The following ADGRA3 variants were observed in gnomAD, a reference collection of about 807,000 sequenced individuals.
The protein encoded by ADGRA3 is G-protein coupled receptor 125.
In ADGRA3, 56 loss-of-function variants were observed where a neutral mutation model predicts 119.8. The observed-to-expected ratio is 0.47, with a 90% confidence interval of 0.38 to 0.58. The LOEUF is 0.58. Ranked by LOEUF, ADGRA3 falls within the 20% of genes least tolerant of loss-of-function variation. ADGRA3 has a pLI of 0.00. For synonymous variants in ADGRA3, 607 were observed against 623.8 expected (o/e 0.97, Z 0.40); for missense variants, 1,516 against 1,649.0 (o/e 0.92, Z 1.40).
intron 4 of ADGRA3, among the ~76,000 whole-genome samples, chr4:22,451,655 C>G (rs1429244023): frequency 6.6e-6 from 1 of 151,768 alleles, no homozygotes; most frequent in East Asian, 1.9e-4. Flanking sequence ...AAGACTTGAT[C>G]AAAAATGATG....
intron 10 of ADGRA3, among the ~76,000 whole-genome samples, chr4:22,427,974 G>A (rs1221866851): frequency 5.3e-5 from 8 of 152,092 alleles, no homozygotes; most frequent in African/African-American, 1.9e-4. Flanking sequence ...CCACATTAAT[G>A]GCAATGAAAG....
chr4:22,449,760 C>T lies in ADGRA3; in HGVS notation c.474-2249G>A, dbSNP rs141250416. 3.1e-3 allele frequency among the ~76,000 whole-genome samples: 463 copies of T among 151,488 alleles called. 5 individuals are homozygous for T. The highest frequency in any genetic ancestry group is 0.01 in the African/African-American group (423 of 41,236). On this transcript the variant is annotated intron_variant, in intron 4 of 18. Transcript: ENST00000334304. Reference sequence around the variant, plus strand: ...ACTTGGGAGGCTAAGGTGGTGACACCTTAAGCCTAAGGCTAAGCGGAGGTG... The same window carrying T: ...ACTTGGGAGGCTAAGGTGGTGACACTTTAAGCCTAAGGCTAAGCGGAGGTG...
chr4:22,449,623 G>C (rs1716959458), intron 4 of ADGRA3, among the ~76,000 whole-genome samples: 1 of 152,144 alleles, frequency 6.6e-6, no homozygotes, highest in Admixed American at 6.5e-5. Flanking sequence ...AAGGTGGGCA[G>C]ATTGCCTGTG....
chr4:22,486,881 C>T (rs1453803014), intron 1 of ADGRA3, among the ~76,000 whole-genome samples: 1 of 152,144 alleles, frequency 6.6e-6, no homozygotes, highest in Non-Finnish European at 1.5e-5. Flanking sequence ...AGAGACAATA[C>T]AAGGCTTGTG....
chr4:22,437,992 C>G (rs1364577406), intron 8 of ADGRA3, among the ~76,000 whole-genome samples: 1 of 152,200 alleles, frequency 6.6e-6, no homozygotes, highest in Non-Finnish European at 1.5e-5. Context: ...TTCCCTAAGG[C>G]AATGGCTCTT....
intron 17 of ADGRA3, among the ~76,000 whole-genome samples, chr4:22,389,903 T>C (rs1246277043): frequency 6.6e-6 from 1 of 152,124 alleles, no homozygotes; most frequent in East Asian, 1.9e-4. Flanking sequence ...AGAATCTTAA[T>C]TTTGCGTTTG....
At chr4:22,515,234 C>T (rs146287964) in intron 1 of ADGRA3, 4 of 243,526 alleles carry the variant, frequency 1.6e-5, no homozygotes, top group African/African-American at 9.0e-5. Context: ...TGCATCCTCA[C>T]GTGGCACCGC....
chr4:22,458,384 A>G (rs1171945992), intron 3 of ADGRA3, among the ~76,000 whole-genome samples: 1 of 152,174 alleles, frequency 6.6e-6, no homozygotes, highest in East Asian at 1.9e-4. Context: ...GTGTCTGGAT[A>G]GCTGAGTCCT....
intron 8 of ADGRA3, 116 bp downstream of exon 8, chr4:22,438,140 A>G (rs1175036192): frequency 2.8e-6 from 2 of 718,542 alleles, no homozygotes; most frequent in African/African-American, 3.5e-5. Context: ...GGTAGTCCTC[A>G]GACATGTGCA....
chr4:22,494,066 G>A (rs80100121), intron 1 of ADGRA3, among the ~76,000 whole-genome samples: 2 of 151,886 alleles, frequency 1.3e-5, no homozygotes, highest in African/African-American at 4.8e-5. Context: ...TTAGCTGGGC[G>A]TGGAGGCGGG....
chr4:22,400,473 G>C (rs1417026215), intron 16 of ADGRA3, among the ~76,000 whole-genome samples: 1 of 152,144 alleles, frequency 6.6e-6, no homozygotes, highest in Non-Finnish European at 1.5e-5. Context: ...CCACTTATAT[G>C]AGGTATCTGA....
intron 2 of ADGRA3, 74 bp downstream of exon 2, chr4:22,473,698 G>A (rs1468367152): frequency 2.3e-6 from 2 of 863,702 alleles, no homozygotes; most frequent in South Asian, 2.2e-5. Context: ...TTTAGTCACA[G>A]ATTTACAATG....
At chr4:22,477,073 T>C (rs1317193427) in intron 1 of ADGRA3, among the ~76,000 whole-genome samples, 1 of 152,202 alleles carries the variant, frequency 6.6e-6, no homozygotes, top group Non-Finnish European at 1.5e-5. Flanking sequence ...ATAAGAATCT[T>C]AATTGCTAAG....
rs1560315847 is a variant in ADGRA3, at chr4:22,436,322, A to G, written c.1287+118T>C. ...TGAAGACAGTTAAGTCAACTAAAGT[A>G]AAAACACAAAATCCTTATGTTTTGC... On this transcript the variant is annotated intron_variant, in intron 9 of 18. Transcript: ENST00000334304. 4.0e-6 allele frequency: 3 copies of G among 741,648 alleles called. No individual in the cohort carries two copies. In the South Asian group the frequency reaches 5.8e-5, roughly 14 times the overall value. 45.9% of individuals were successfully genotyped at this position (741,648 alleles called of 1,614,324 possible).
At chr4:22,475,640 T>C (rs1366041902) in intron 1 of ADGRA3, among the ~76,000 whole-genome samples, 2 of 151,210 alleles carry the variant, frequency 1.3e-5, no homozygotes, top group African/African-American at 4.9e-5. Context: ...CGCAGGAGAA[T>C]GGCGTGAACC....
Position 22,389,235 on chromosome 4 carries a change from G to A in ADGRA3, c.2628-52C>T, listed in dbSNP as rs1327553205. ...CACTCATCATTCCATTTCTTAACAT[G>A]TATCTCTCATAATGTCTCAGTACTT... On this transcript the variant is annotated intron_variant, in intron 17 of 18. Coordinates refer to ENST00000334304, the MANE Select transcript of ADGRA3 (RefSeq NM_145290.4). The A allele has an allele frequency of 1.7e-6, 2 of 1,173,992 alleles. 1 individual carries two copies. The highest frequency in any genetic ancestry group is 2.5e-5 in the South Asian group (2 of 80,996). 72.7% of individuals were successfully genotyped at this position (1,173,992 alleles called of 1,614,324 possible).
intron 12 of ADGRA3, chr4:22,419,895 A>G (rs1043439596): frequency 1.3e-5 from 2 of 152,616 alleles, no homozygotes; most frequent in African/African-American, 4.8e-5. Context: ...TTTTCCTCTG[A>G]GTATAGGGTA....
At chr4:22,402,078 T>C (rs930481039) in intron 15 of ADGRA3, among the ~76,000 whole-genome samples, 19 of 152,220 alleles carry the variant, frequency 1.2e-4, no homozygotes, top group African/African-American at 3.4e-4. Flanking sequence ...ATGCCATATA[T>C]GTCTAGCTTA....
intron 4 of ADGRA3, among the ~76,000 whole-genome samples, chr4:22,448,875 T>C (rs1033772083): frequency 2.6e-5 from 4 of 152,238 alleles, no homozygotes; most frequent in African/African-American, 7.2e-5. Flanking sequence ...GGGAAGTCTT[T>C]TATTTTTGGC....
Sources: gnomAD v4.1 joint callset for allele counts (sites outside exome capture counted in the v4.1 genomes callset) on GRCh38, gnomAD v4.1.1 for gene constraint, MANE v1.5 for transcripts, NCBI Gene and HGNC (gene_info 2026-07-23, HGNC 2026-07-21) for gene names.